Variants in TMEM117 observed in about 807,000 individuals in gnomAD.
The protein encoded by TMEM117 is transmembrane protein 117.
TMEM117 carries 27 observed loss-of-function variants against 52.4 expected under a neutral mutation model. The observed-to-expected ratio is 0.51, with a 90% confidence interval of 0.38 to 0.71. TMEM117 has a LOEUF of 0.71. Among genes scored for constraint, TMEM117 ranks in the 30% least tolerant of loss-of-function variants. TMEM117 has a pLI of 0.00. For synonymous variants in TMEM117, 215 were observed against 206.3 expected (o/e 1.04, Z -0.36); for missense variants, 556 against 630.5 (o/e 0.88, Z 1.26).
chr12:44,082,118 A>G (rs958114203), intron 3 of TMEM117, among the ~76,000 whole-genome samples: 2 of 152,132 alleles, frequency 1.3e-5, no homozygotes, highest in East Asian at 1.9e-4. Context: ...GAATAATTCT[A>G]TTAGAATGAC....
intron 6 of TMEM117, among the ~76,000 whole-genome samples, chr12:44,349,294 C>G (rs1951531838): frequency 6.6e-6 from 1 of 151,992 alleles, no homozygotes; most frequent in African/African-American, 2.4e-5. Context: ...GGGCTTCTGT[C>G]ATACAATGAA....
intron 1 of TMEM117, among the ~76,000 whole-genome samples, chr12:43,838,010 T>C (rs1260648743): frequency 5.3e-5 from 8 of 152,330 alleles, no homozygotes. Flanking sequence ...GAACCACTTA[T>C]GGTGGTTTTA....
At chr12:44,299,549 T>C (rs748006592) in intron 5 of TMEM117, 31 bp from the exon 6 acceptor site, 1 of 1,611,696 alleles carries the variant, frequency 6.2e-7, no homozygotes, top group East Asian at 2.2e-5. Flanking sequence ...TTATGCCTTA[T>C]GTTCTTTAAT....
At chr12:43,916,836 G>A (rs1021703529) in intron 2 of TMEM117, among the ~76,000 whole-genome samples, 8 of 152,240 alleles carry the variant, frequency 5.3e-5, no homozygotes, top group Admixed American at 2.0e-4. Context: ...TCTTGTTGGC[G>A]TGAAGTAGAT....
At chr12:44,094,639 G>A (rs1315115064) in intron 3 of TMEM117, among the ~76,000 whole-genome samples, 1 of 152,154 alleles carries the variant, frequency 6.6e-6, no homozygotes, top group South Asian at 2.1e-4. Context: ...TTCATGTCCA[G>A]TATTTAATTC....
chr12:43,993,835 C>T (rs1945984665), intron 3 of TMEM117, among the ~76,000 whole-genome samples: 1 of 152,058 alleles, frequency 6.6e-6, no homozygotes, highest in Admixed American at 6.6e-5. Flanking sequence ...GATGGGACTA[C>T]AGGCATGTGC....
intron 3 of TMEM117, among the ~76,000 whole-genome samples, chr12:44,049,765 T>C (rs1946940331): frequency 6.6e-6 from 1 of 152,172 alleles, no homozygotes; most frequent in Admixed American, 6.5e-5. Flanking sequence ...TCAATCATTT[T>C]AAAAAGTGAC....
chr12:43,935,959 G>A (rs1296045029), intron 2 of TMEM117, among the ~76,000 whole-genome samples: 2 of 152,228 alleles, frequency 1.3e-5, no homozygotes, highest in Non-Finnish European at 2.9e-5. Context: ...CATGGAAACA[G>A]AGTGAAAGGA....
intron 7 of TMEM117, among the ~76,000 whole-genome samples, chr12:44,384,131 A>G (rs961114194): frequency 9.9e-5 from 15 of 152,150 alleles, no homozygotes; most frequent in African/African-American, 3.6e-4. Context: ...AGGAGGAGAA[A>G]GCATTACCAA....
chr12:44,300,242 GTAAACCA>G (rs1950823078), intron 6 of TMEM117, among the ~76,000 whole-genome samples: 1 of 152,170 alleles, frequency 6.6e-6, no homozygotes. Flanking sequence ...CCATTTTCAT[GTAAACCA>G]TATTTCTGCC....
intron 3 of TMEM117, among the ~76,000 whole-genome samples, chr12:43,978,636 A>G (rs1271247908): frequency 2.6e-5 from 4 of 152,194 alleles, no homozygotes; most frequent in African/African-American, 9.6e-5. Flanking sequence ...GTCAGCAGAA[A>G]GGGCATGCTC....
Position 44,214,126 on chromosome 12 carries a change from A to T in TMEM117, c.608+2739A>T, listed in dbSNP as rs572295252. Among the ~76,000 whole-genome samples, 4 of 138,738 alleles carry T rather than the reference A, an allele frequency of 2.9e-5. No individual in the cohort carries two copies. In the East Asian group the frequency reaches 6.4e-4, roughly 22 times the overall value. 91.0% of individuals were successfully genotyped at this position (138,738 alleles called of 152,430 possible). A position where few individuals can be genotyped will look rare whatever the true frequency, so the allele number is the denominator to read the frequency against. ...TCTATATATCACCAATGTCTTACAA[A>T]TTTTTTTTTTAATTTTTTTTTTTTT... On this transcript the variant is annotated intron_variant, in intron 5 of 7. Coordinates refer to ENST00000266534, the MANE Select transcript of TMEM117 (RefSeq NM_032256.3).
intron 4 of TMEM117, among the ~76,000 whole-genome samples, chr12:44,152,518 T>TTATATA (rs1240731123): frequency 8.5e-6 from 1 of 118,114 alleles, no homozygotes; most frequent in African/African-American, 3.5e-5. Context: ...ATATATAAAT[T>TTATATA]TATATATATA....
intron 6 of TMEM117, among the ~76,000 whole-genome samples, chr12:44,359,158 G>C (rs983593646): frequency 6.6e-6 from 1 of 151,606 alleles, no homozygotes; most frequent in Admixed American, 6.6e-5. Flanking sequence ...TATAAGGTTA[G>C]AGTTTAAAGG....
chr12:44,368,496 C>T (rs758834854), intron 6 of TMEM117, among the ~76,000 whole-genome samples: 1 of 152,074 alleles, frequency 6.6e-6, no homozygotes, highest in Admixed American at 6.6e-5. Flanking sequence ...CACATTTTCC[C>T]ACTGATCTCC....
chr12:43,901,612 G>T (rs557852321), intron 2 of TMEM117, among the ~76,000 whole-genome samples: 5 of 152,020 alleles, frequency 3.3e-5, no homozygotes, highest in Non-Finnish European at 7.4e-5. Context: ...CACCTGGCTG[G>T]TGCTGTTTAA....
At position 44,139,385 on chromosome 12, in the gene TMEM117, TGTTTA is replaced by T. The variant is rs530105563; in HGVS notation, c.411-4132_411-4128del. Among the ~76,000 whole-genome samples the T allele has an allele frequency of 8.5e-5, 13 of 152,270 alleles. No individual in the cohort carries two copies. The South Asian group carries it at 2.1e-3, about 24-fold the overall frequency. On this transcript the variant is annotated intron_variant, in intron 3 of 7. Transcript: ENST00000266534. ...TGACTATTTTGCTCATGTTAGAGTC[TGTTTA>T]GTTTAGTCATTTTGCAACAGGTTTT...
At chr12:44,190,665 A>G (rs1027202946) in intron 4 of TMEM117, among the ~76,000 whole-genome samples, 2 of 152,084 alleles carry the variant, frequency 1.3e-5, no homozygotes, top group African/African-American at 4.8e-5. Context: ...CAAAAAAGAA[A>G]AAAATAAGGC....
intron 7 of TMEM117, among the ~76,000 whole-genome samples, chr12:44,381,075 T>C (rs1334983264): frequency 6.6e-6 from 1 of 152,200 alleles, no homozygotes; most frequent in African/African-American, 2.4e-5. Flanking sequence ...TCTGTTTAGC[T>C]CATCTGGATC....
Sources: gnomAD v4.1 joint callset for allele counts (sites outside exome capture counted in the v4.1 genomes callset) on GRCh38, gnomAD v4.1.1 for gene constraint, MANE v1.5 for transcripts, NCBI Gene and HGNC (gene_info 2026-07-23, HGNC 2026-07-21) for gene names.